Variants in TEX11 observed in about 807,000 individuals in gnomAD.
TEX11 encodes the protein testis-expressed protein 11.
TEX11 carries 7 observed loss-of-function variants against 84.4 expected under a neutral mutation model. The ratio of observed to expected loss-of-function variants is 0.08; its 90% CI spans 0.05 to 0.16. The LOEUF is 0.16. Among genes scored for constraint, TEX11 ranks in the 10% least tolerant of loss-of-function variants. The pLI is 1.00. For missense variants in TEX11, 551 were observed against 660.5 expected (o/e 0.83, Z 1.82); for synonymous variants, 264 against 222.8 (o/e 1.18, Z -1.64).
At chrX:70,763,409 T>A (rs1388833157) in intron 9 of TEX11, among the ~76,000 whole-genome samples, 1 of 110,344 alleles carries the variant, frequency 9.1e-6, no homozygotes, top group African/African-American at 3.3e-5. Flanking sequence ...TGCAAAAACA[T>A]AAGAATGATA....
chrX:70,653,160 A>G (rs1200106486), intron 16 of TEX11, among the ~76,000 whole-genome samples: 1 of 111,988 alleles, frequency 8.9e-6, no homozygotes, highest in African/African-American at 3.2e-5. Flanking sequence ...CAACACCAAA[A>G]CCATATCTAT....
intron 9 of TEX11, among the ~76,000 whole-genome samples, chrX:70,789,608 T>G (rs2091106105): frequency 8.9e-6 from 1 of 111,844 alleles, no homozygotes; most frequent in Non-Finnish European, 1.9e-5. Context: ...ACCTCATACC[T>G]GTCAGAATGA....
At chrX:70,650,135 G>A (rs981668350) in intron 17 of TEX11, among the ~76,000 whole-genome samples, 1 of 111,657 alleles carries the variant, frequency 9.0e-6, no homozygotes, top group Non-Finnish European at 1.9e-5. Flanking sequence ...TTCCAGGGCT[G>A]AAAGTGGTGA....
chrX:70,700,498 A>T (rs2090317257), intron 13 of TEX11, among the ~76,000 whole-genome samples: 1 of 111,590 alleles, frequency 9.0e-6, no homozygotes, highest in Non-Finnish European at 1.9e-5. Flanking sequence ...CCATAAACTA[A>T]GCCCAAATGT....
intron 9 of TEX11, among the ~76,000 whole-genome samples, chrX:70,804,854 G>A (rs1164347587): frequency 9.1e-6 from 1 of 110,390 alleles, no homozygotes; most frequent in Non-Finnish European, 1.9e-5. Flanking sequence ...CTACTGTTAT[G>A]ACCAGTTCCT....
At chrX:70,828,116 T>G (rs2091357093) in intron 8 of TEX11, among the ~76,000 whole-genome samples, 1 of 111,127 alleles carries the variant, frequency 9.0e-6, no homozygotes, top group Non-Finnish European at 1.9e-5. Context: ...CAAGAAGGAC[T>G]GGCATGAGCA....
chrX:70,833,940 A>T (rs1245102346), intron 7 of TEX11, among the ~76,000 whole-genome samples: 2 of 111,685 alleles, frequency 1.8e-5, no homozygotes, highest in African/African-American at 3.3e-5. Context: ...TCTACATTAG[A>T]GGAATTAAGC....
At chrX:70,789,617 G>T (rs764137984) in intron 9 of TEX11, among the ~76,000 whole-genome samples, 2 of 111,964 alleles carry the variant, frequency 1.8e-5, no homozygotes, top group African/African-American at 3.2e-5. Context: ...CTGTCAGAAT[G>T]ATTATGGGGA....
chrX:70,819,648 T>C (rs1478219177), intron 8 of TEX11, among the ~76,000 whole-genome samples: 1 of 111,326 alleles, frequency 9.0e-6, no homozygotes, highest in African/African-American at 3.3e-5. Context: ...TCATCTGTGC[T>C]TGCCAATGAC....
At chrX:70,568,533 G>A (rs1372903940) in intron 25 of TEX11, among the ~76,000 whole-genome samples, 10 of 111,040 alleles carry the variant, frequency 9.0e-5, no homozygotes, top group East Asian at 2.8e-4. Context: ...TGATTTTGCC[G>A]TGGCTGGTCC....
chrX:70,779,522 C>A (rs1192778902), intron 9 of TEX11, among the ~76,000 whole-genome samples: 2 of 108,252 alleles, frequency 1.8e-5, no homozygotes, highest in Non-Finnish European at 3.8e-5. Flanking sequence ...AAGAACAAAG[C>A]CCAAAGTTAA....
intron 23 of TEX11, among the ~76,000 whole-genome samples, chrX:70,605,728 A>G (rs1182929381): frequency 8.9e-6 from 1 of 112,246 alleles, no homozygotes; most frequent in Admixed American, 9.5e-5. Flanking sequence ...TCCTAGAGAT[A>G]AAAAGCTTCA....
In TEX11 at chrX:70,704,079, A is replaced by ATCTCTC. The variant is rs376720264; in HGVS notation, c.1004+18533_1004+18538dup. Among the ~76,000 whole-genome samples, 381 of 96,559 alleles carry ATCTCTC rather than the reference A, an allele frequency of 3.9e-3. 2 individuals are homozygous for ATCTCTC. Among genetic ancestry groups the ATCTCTC allele is most frequent in the African/African-American group, 0.014 (371 of 26,333 alleles). 83.8% of individuals were successfully genotyped at this position (96,559 alleles called of 115,157 possible). A position where few individuals can be genotyped will look rare whatever the true frequency, so the allele number is the denominator to read the frequency against. On this transcript the variant is annotated intron_variant, in intron 13 of 29. Coordinates refer to ENST00000374333, the MANE Select transcript of TEX11 (RefSeq NM_031276.3). The stretch of plus-strand genomic sequence containing the variant: ...ATCTGGTCATTTCAAAGTGTGTGGT[A>ATCTCTC]TCTCTCTCTCTCTCTCTCTCTCCCT...
At chrX:70,734,396 A>G (rs1372399369) in intron 11 of TEX11, among the ~76,000 whole-genome samples, 1 of 111,678 alleles carries the variant, frequency 9.0e-6, no homozygotes, top group Non-Finnish European at 1.9e-5. Flanking sequence ...TTGTATGTGC[A>G]TGTGTGGGGG....
chrX:70,595,913 A>C (rs2089000393), intron 24 of TEX11, among the ~76,000 whole-genome samples: 1 of 111,122 alleles, frequency 9.0e-6, no homozygotes, highest in African/African-American at 3.3e-5. Flanking sequence ...GAGACAAATA[A>C]ATAGGTTGAT....
chrX:70,846,678 G>C (rs775808048), intron 7 of TEX11, among the ~76,000 whole-genome samples: 1 of 111,863 alleles, frequency 8.9e-6, no homozygotes, highest in Admixed American at 9.5e-5. Context: ...AATCCCAGCA[G>C]TTTGGGAGGC....
chrX:70,740,818 A>G (rs772861724), intron 10 of TEX11, 22 bp from the exon 11 acceptor site: 10 of 1,065,593 alleles, frequency 9.4e-6, no homozygotes, highest in Non-Finnish European at 1.3e-5. Context: ...AAAAAAAGAA[A>G]AAAAGCACAT....
chrX:70,776,394 T>A (rs1019856923), intron 9 of TEX11, among the ~76,000 whole-genome samples: 1 of 109,510 alleles, frequency 9.1e-6, no homozygotes, highest in Admixed American at 9.8e-5. Flanking sequence ...AAACCCTGTC[T>A]CTACTAAAAA....
intron 17 of TEX11, among the ~76,000 whole-genome samples, chrX:70,636,456 C>T (rs958605773): frequency 5.4e-5 from 6 of 110,998 alleles, no homozygotes; most frequent in African/African-American, 2.0e-4. Context: ...CTAAAACCAC[C>T]CCTACAAACC....
Sources: gnomAD v4.1 joint callset for allele counts (sites outside exome capture counted in the v4.1 genomes callset) on GRCh38, gnomAD v4.1.1 for gene constraint, MANE v1.5 for transcripts, NCBI Gene and HGNC (gene_info 2026-07-23, HGNC 2026-07-21) for gene names.